The following LINGO2 variants were observed in gnomAD, a reference collection of about 807,000 sequenced individuals.
The protein encoded by LINGO2 is leucine rich repeat and Ig domain containing 2.
In LINGO2, 14 loss-of-function variants were observed where a neutral mutation model predicts 30.6. The ratio of observed to expected loss-of-function variants is 0.46; its 90% CI spans 0.30 to 0.72. LINGO2 has a LOEUF of 0.72. LINGO2 is among the 30% of genes least tolerant of loss of function. LINGO2 has a pLI of 0.07. For missense variants in LINGO2, 729 were observed against 751.7 expected, an observed-to-expected ratio of 0.97 and a Z score of 0.35; for synonymous variants, 317 against 288.5, an observed-to-expected ratio of 1.10 and a Z score of -1.00.
intron 2 of LINGO2, among the ~76,000 whole-genome samples, chr9:28,462,758 A>G (rs994842991): frequency 6.6e-6 from 1 of 152,114 alleles, no homozygotes; most frequent in Non-Finnish European, 1.5e-5. Context: ...AAAAACAAGG[A>G]AACAGTGGCT....
At position 28,303,861 on chromosome 9, in the gene LINGO2, G is replaced by T. The variant is rs77378983; in HGVS notation, c.-245-8495C>A. Among the ~76,000 whole-genome samples the T allele has an allele frequency of 0.016, 2,415 of 151,926 alleles. 145 individuals carry two copies. The East Asian group carries it at 0.19, about 12-fold the overall frequency. On this transcript the variant is annotated intron_variant, in intron 3 of 5. Coordinates refer to ENST00000379992, the Ensembl canonical transcript of LINGO2. Reference sequence around the variant, plus strand: ...AAGAGGTAAAGGAGATAGAAAAGGAGGCAGGAGAACCAACACACTGGGTAT... The same window carrying T: ...AAGAGGTAAAGGAGATAGAAAAGGATGCAGGAGAACCAACACACTGGGTAT...
At chr9:29,178,398 T>C in the LINGO2 span, among the ~76,000 whole-genome samples, 2 of 152,158 alleles carry the variant, frequency 1.3e-5, no homozygotes, top group African/African-American at 4.8e-5. Context: ...AATTTATTTA[T>C]ACATTCATAT....
At chr9:28,513,695 A>G (rs981063276) in intron 1 of LINGO2, among the ~76,000 whole-genome samples, 4 of 152,220 alleles carry the variant, frequency 2.6e-5, no homozygotes, top group African/African-American at 9.6e-5. Flanking sequence ...TAAAATTAAC[A>G]TAGTAGTCTA....
the LINGO2 span, among the ~76,000 whole-genome samples, chr9:28,936,172 G>A: frequency 6.6e-6 from 1 of 152,082 alleles, no homozygotes; most frequent in Non-Finnish European, 1.5e-5. Context: ...GAAGTCATAA[G>A]GAGACTAATT....
intron 3 of LINGO2, among the ~76,000 whole-genome samples, chr9:28,326,681 A>G (rs1407956329): frequency 6.6e-6 from 1 of 152,194 alleles, no homozygotes; most frequent in East Asian, 1.9e-4. Flanking sequence ...GACATGGTAT[A>G]TACTTAATGA....
At chr9:27,987,037 T>G (rs1285853128) in intron 5 of LINGO2, among the ~76,000 whole-genome samples, 1 of 151,802 alleles carries the variant, frequency 6.6e-6, no homozygotes, top group East Asian at 2.0e-4. Context: ...GGTCGACTTT[T>G]TTTTGTGTGT....
chr9:29,010,190 TTAAAC>T, the LINGO2 span, among the ~76,000 whole-genome samples: 1 of 152,092 alleles, frequency 6.6e-6, no homozygotes. Context: ...CGGGATCTAA[TTAAAC>T]TAAAGAGCTT....
the LINGO2 span, among the ~76,000 whole-genome samples, chr9:28,953,850 T>C: frequency 0.045 from 6,905 of 152,230 alleles, 209 homozygotes; most frequent in Admixed American, 0.084. Context: ...TATTATTATA[T>C]TAAAATCCAC....
the LINGO2 span, among the ~76,000 whole-genome samples, chr9:28,939,049 C>A: frequency 6.6e-6 from 1 of 152,142 alleles, no homozygotes; most frequent in Non-Finnish European, 1.5e-5. Context: ...CTGCACTTAT[C>A]TTATTTCTGC....
chr9:28,886,381 C>A, the LINGO2 span, among the ~76,000 whole-genome samples: 1 of 151,934 alleles, frequency 6.6e-6, no homozygotes, highest in Non-Finnish European at 1.5e-5. Flanking sequence ...ATGGTATATT[C>A]CTTCTAGAAA....
the LINGO2 span, among the ~76,000 whole-genome samples, chr9:28,754,784 C>T: frequency 1.3e-5 from 2 of 151,926 alleles, no homozygotes; most frequent in African/African-American, 2.4e-5. Context: ...GCGCTCACCA[C>T]CACACCGGGC....
chr9:28,039,358 G>A (rs1824095009), intron 4 of LINGO2, among the ~76,000 whole-genome samples: 1 of 152,156 alleles, frequency 6.6e-6, no homozygotes. Context: ...AAGGTGATCT[G>A]GGATTTTTAT....
At chr9:28,969,333 A>C in the LINGO2 span, among the ~76,000 whole-genome samples, 1 of 152,176 alleles carries the variant, frequency 6.6e-6, no homozygotes, top group South Asian at 2.1e-4. Context: ...AATCCAAGCA[A>C]GAGTAACAGC....
chr9:28,861,238 T>C, the LINGO2 span, among the ~76,000 whole-genome samples: 1 of 113,416 alleles, frequency 8.8e-6, no homozygotes, highest in Non-Finnish European at 1.7e-5. Context: ...ATATATAATA[T>C]ATATTTTTTA....
At chr9:27,992,345 T>A (rs1044669677) in intron 5 of LINGO2, among the ~76,000 whole-genome samples, 3 of 152,126 alleles carry the variant, frequency 2.0e-5, no homozygotes, top group Non-Finnish European at 2.9e-5. Context: ...AATGACTACA[T>A]AAATCATGAT....
chr9:28,137,199 A>T (rs1232206235), intron 4 of LINGO2, among the ~76,000 whole-genome samples: 1 of 376 alleles, frequency 2.7e-3, no homozygotes, highest in African/African-American at 5.1e-3. Context: ...AAAATCCCTG[A>T]CACACACACA....
chr9:28,639,823 T>A (rs1003983487), intron 1 of LINGO2, among the ~76,000 whole-genome samples: 24 of 152,308 alleles, frequency 1.6e-4, no homozygotes, highest in South Asian at 1.2e-3. Flanking sequence ...TATTTACATT[T>A]AAGGTTAATA....
chr9:28,139,815 GA>G (rs985136552), intron 4 of LINGO2, among the ~76,000 whole-genome samples: 1 of 152,018 alleles, frequency 6.6e-6, no homozygotes, highest in Non-Finnish European at 1.5e-5. Context: ...AGTTTGAGGG[GA>G]AAAAAAGCAA....
At chr9:28,720,693 T>C in the LINGO2 span, among the ~76,000 whole-genome samples, 1 of 152,198 alleles carries the variant, frequency 6.6e-6, no homozygotes, top group African/African-American at 2.4e-5. Flanking sequence ...AAAGAATAAA[T>C]TGATATATAT....
Sources: gnomAD v4.1 joint callset for allele counts (sites outside exome capture counted in the v4.1 genomes callset) on GRCh38, gnomAD v4.1.1 for gene constraint, MANE v1.5 for transcripts, NCBI Gene and HGNC (gene_info 2026-07-23, HGNC 2026-07-21) for gene names.